The following PTPRD variants were observed in gnomAD, a reference collection of about 807,000 sequenced individuals.
PTPRD encodes the protein receptor-type tyrosine-protein phosphatase delta.
Under a neutral mutation model 214.5 loss-of-function variants are expected in PTPRD, and 34 were observed. The observed-to-expected ratio is 0.16, with a 90% CI of 0.12 to 0.21. The LOEUF is 0.21. PTPRD is among the 10% of genes least tolerant of loss of function. PTPRD has a pLI of 1.00. For synonymous variants in PTPRD, 1,128 were observed against 845.7 expected (o/e 1.33, Z -5.79); for missense variants, 2,545 against 2,398.7 (o/e 1.06, Z -1.27).
intron 6 of PTPRD, among the ~76,000 whole-genome samples, chr9:9,737,153 C>G (rs1399969217): frequency 6.6e-6 from 1 of 151,980 alleles, no homozygotes; most frequent in East Asian, 1.9e-4. Context: ...GAAAATATGA[C>G]ATTTTCAAAC....
rs117589558 is a variant in PTPRD at position 8,621,708 on chromosome 9, T to C, written c.352+11609A>G. ...TTGCAACTAAGATTAATGGGACCCA[T>C]AGTAAGTCAGCTGTAGCACTTGATG... On this transcript the variant is annotated intron_variant, in intron 14 of 45. Transcript: ENST00000381196. 2.4e-4 allele frequency among the ~76,000 whole-genome samples: 36 copies of C among 151,882 alleles called. No homozygotes were observed. In the East Asian group the frequency reaches 6.6e-3, roughly 28 times the overall value.
At chr9:9,170,946 CT>C (rs1293674918) in intron 10 of PTPRD, among the ~76,000 whole-genome samples, 2 of 152,126 alleles carry the variant, frequency 1.3e-5, no homozygotes, top group Non-Finnish European at 2.9e-5. Flanking sequence ...GACTGTGGTG[CT>C]TTCAAACGAA....
intron 43 of PTPRD, among the ~76,000 whole-genome samples, chr9:8,338,496 T>C (rs1450963365): frequency 6.6e-6 from 1 of 152,094 alleles, no homozygotes; most frequent in Non-Finnish European, 1.5e-5. Context: ...TTTAAAATCA[T>C]ACCAAATTAA....
At chr9:10,105,167 C>T (rs187971794) in intron 3 of PTPRD, among the ~76,000 whole-genome samples, 58 of 151,792 alleles carry the variant, frequency 3.8e-4, no homozygotes, top group African/African-American at 1.3e-3. Flanking sequence ...TATTATTTTA[C>T]TGATTTTTTT....
chr9:10,517,579 T>C (rs1309541653), intron 2 of PTPRD, among the ~76,000 whole-genome samples: 1 of 152,060 alleles, frequency 6.6e-6, no homozygotes, highest in African/African-American at 2.4e-5. Flanking sequence ...TCCAATGTAA[T>C]TTTCAGAACT....
At chr9:8,677,743 T>C (rs1336135172) in intron 12 of PTPRD, among the ~76,000 whole-genome samples, 2 of 152,336 alleles carry the variant, frequency 1.3e-5, no homozygotes, top group East Asian at 1.9e-4. Flanking sequence ...AGTACCACTT[T>C]AATAGCAAAA....
chr9:9,010,432 T>C (rs1037183324), intron 11 of PTPRD, among the ~76,000 whole-genome samples: 2 of 152,206 alleles, frequency 1.3e-5, no homozygotes, highest in African/African-American at 4.8e-5. Context: ...ATTGACTGCA[T>C]CAGCTAGGCT....
intron 3 of PTPRD, among the ~76,000 whole-genome samples, chr9:10,242,540 C>G (rs1307729704): frequency 6.6e-6 from 1 of 151,616 alleles, no homozygotes; most frequent in African/African-American, 2.4e-5. Flanking sequence ...GTGTACCAGG[C>G]TTTCTGCTAG....
At chr9:8,876,790 A>T (rs1022755980) in intron 11 of PTPRD, among the ~76,000 whole-genome samples, 3 of 152,218 alleles carry the variant, frequency 2.0e-5, no homozygotes, top group Admixed American at 1.3e-4. Context: ...AATGCAAGTA[A>T]GTTTGCAAAT....
rs1283531651 is a variant in PTPRD, at chr9:9,193,893, C to A, written c.-202-10530G>T. Among the ~76,000 whole-genome samples the A allele has an allele frequency of 2.0e-5, 3 of 151,998 alleles. No individual in the cohort carries two copies. In the South Asian group the frequency reaches 6.2e-4, roughly 32 times the overall value. ...ATGTTTTTTCTCAATAATAAATTAACCTTAGATTACTGTAACTTTTCTACT... is the reference window on the plus strand; with the variant it reads ...ATGTTTTTTCTCAATAATAAATTAAACTTAGATTACTGTAACTTTTCTACT... On this transcript the variant is annotated intron_variant, in intron 9 of 45. Coordinates refer to ENST00000381196, the MANE Select transcript of PTPRD (RefSeq NM_002839.4).
At chr9:10,048,801 C>A (rs1472401824) in intron 3 of PTPRD, among the ~76,000 whole-genome samples, 1 of 152,040 alleles carries the variant, frequency 6.6e-6, no homozygotes, top group African/African-American at 2.4e-5. Context: ...TCAAGTGTTT[C>A]TTTCACTAAA....
intron 10 of PTPRD, among the ~76,000 whole-genome samples, chr9:9,180,516 G>A (rs918188656): frequency 2.0e-5 from 3 of 151,246 alleles, no homozygotes; most frequent in Non-Finnish European, 4.4e-5. Context: ...GTTAATGGGT[G>A]CAGCACACCA....
chr9:9,321,965 G>A (rs1966801753), intron 9 of PTPRD, among the ~76,000 whole-genome samples: 2 of 152,140 alleles, frequency 1.3e-5, no homozygotes, highest in African/African-American at 4.8e-5. Flanking sequence ...GCCATCTAAT[G>A]TTTATTGGCA....
intron 3 of PTPRD, among the ~76,000 whole-genome samples, chr9:10,148,248 T>C (rs566536904): frequency 5.9e-5 from 9 of 152,232 alleles, no homozygotes; most frequent in African/African-American, 2.2e-4. Flanking sequence ...TCACAGATTG[T>C]GTATGTCTAT....
At chr9:10,144,507 C>A (rs1481236080) in intron 3 of PTPRD, among the ~76,000 whole-genome samples, 3 of 152,068 alleles carry the variant, frequency 2.0e-5, no homozygotes, top group Non-Finnish European at 4.4e-5. Context: ...CCCACATTGT[C>A]TAAAAATAGA....
At chr9:8,796,064 G>T (rs745765421) in intron 11 of PTPRD, among the ~76,000 whole-genome samples, 62 of 152,164 alleles carry the variant, frequency 4.1e-4, no homozygotes, top group Non-Finnish European at 8.4e-4. Flanking sequence ...TAACAAAAAC[G>T]TATGAAGTTA....
chr9:10,514,279 T>C (rs1478795972), intron 2 of PTPRD, among the ~76,000 whole-genome samples: 1 of 151,330 alleles, frequency 6.6e-6, no homozygotes, highest in Non-Finnish European at 1.5e-5. Context: ...TTTTATGTAT[T>C]TTTTTTTATA....
chr9:8,362,638 T>C (rs2078796574), intron 39 of PTPRD, among the ~76,000 whole-genome samples: 1 of 152,194 alleles, frequency 6.6e-6, no homozygotes, highest in African/African-American at 2.4e-5. Flanking sequence ...AAGTTGTTTC[T>C]TCAAAGAAAC....
chr9:8,859,297 A>C (rs895432229), intron 11 of PTPRD, among the ~76,000 whole-genome samples: 4 of 152,192 alleles, frequency 2.6e-5, no homozygotes, highest in Non-Finnish European at 4.4e-5. Flanking sequence ...TTGTTGGGCT[A>C]TGCACTCTTC....
Sources: allele counts gnomAD v4.1 joint callset (sites outside exome capture counted in the v4.1 genomes callset), GRCh38; gene constraint gnomAD v4.1.1; transcripts MANE v1.5; gene names NCBI Gene and HGNC (gene_info 2026-07-23, HGNC 2026-07-21).